The following AP3B1 variants were observed in gnomAD, a reference collection of about 807,000 sequenced individuals.
The protein encoded by AP3B1 is adaptor related protein complex 3 subunit beta 1.
In AP3B1, 61 loss-of-function variants were observed where a neutral mutation model predicts 132.5. That is an observed-to-expected ratio of 0.46 (90% confidence interval 0.37 to 0.57). AP3B1 has a LOEUF of 0.57. Ranked by LOEUF, AP3B1 falls within the 20% of genes least tolerant of loss-of-function variation. The pLI is 0.00. For missense variants in AP3B1, 1,120 were observed against 1,289.4 expected (o/e 0.87, Z 2.01); for synonymous variants, 388 against 438.3 (o/e 0.89, Z 1.43).
intron 21 of AP3B1, among the ~76,000 whole-genome samples, chr5:78,097,509 G>T (rs1344671319): frequency 8.0e-5 from 6 of 75,162 alleles, no homozygotes; most frequent in South Asian, 3.7e-4. Context: ...GGAGGGAGGT[G>T]GGGGGGTCAG....
chr5:78,228,076 CTTT>C lies in AP3B1; in HGVS notation c.375+65_375+67del, dbSNP rs1746473210. 3.6e-5 allele frequency: 40 copies of C among 1,122,970 alleles called. No homozygotes were observed. The East Asian group carries it at 8.5e-4, about 24-fold the overall frequency. 69.6% of individuals were successfully genotyped at this position (1,122,970 alleles called of 1,614,324 possible). A position where few individuals can be genotyped will look rare whatever the true frequency, so the allele number is the denominator to read the frequency against. ...TATTTAGTGGATTATCGCTCCACTT[CTTT>C]AACTGACACACTTTCAACTCTGCAG... On this transcript the variant is annotated intron_variant, in intron 4 of 26. Coordinates refer to ENST00000255194, the MANE Select transcript of AP3B1 (RefSeq NM_003664.5).
At position 78,175,506 on chromosome 5, in the gene AP3B1, C is replaced by T. The variant is rs143789444; in HGVS notation, c.1167+120G>A. On this transcript the variant is annotated intron_variant, in intron 11 of 26. Coordinates refer to ENST00000255194, the MANE Select transcript of AP3B1 (RefSeq NM_003664.5). The stretch of plus-strand genomic sequence containing the variant: ...TAGATTGAAAAGTATAAAGAAAAAC[C>T]ATTAACTTTATCAATGTGTTTTGAA... 656 of 728,844 alleles carry T rather than the reference C, an allele frequency of 9.0e-4. 4 individuals carry two copies. In the African/African-American group the frequency reaches 0.011, roughly 12 times the overall value. 45.1% of individuals were successfully genotyped at this position (728,844 alleles called of 1,614,324 possible).
chr5:78,012,947 T>A (rs774230351), intron 26 of AP3B1, among the ~76,000 whole-genome samples: 3 of 152,214 alleles, frequency 2.0e-5, no homozygotes, highest in Admixed American at 6.5e-5. Flanking sequence ...CTATCTTTAA[T>A]AAGAATTATA....
intron 23 of AP3B1, among the ~76,000 whole-genome samples, chr5:78,034,907 A>G (rs1397571586): frequency 6.6e-6 from 1 of 151,970 alleles, no homozygotes; most frequent in Non-Finnish European, 1.5e-5. Flanking sequence ...AAAAAATCCT[A>G]AATTAAAAAA....
At position 78,294,572 on chromosome 5, in the gene AP3B1, C is replaced by T. The variant is rs1437057161; in HGVS notation, c.8G>A (p.Ser3Asn). The change falls in exon 1 of 27, where the codon AGC becomes AAC. Residue 3 changes from serine (S) to asparagine (N), a missense_variant. Transcript: ENST00000255194. ...CTGCTCATTGTAAGGAAAACTATTG[C>T]TGGACATTGCCGCGGTGCTGGCGGG... MS[S>N]NSFPYNEQSG... The T allele has an allele frequency of 6.2e-7, 1 of 1,614,142 alleles. No individual in the cohort carries two copies. The highest frequency in any genetic ancestry group is 1.7e-5 in the Admixed American group (1 of 60,038).
chr5:78,154,684 C>G lies in AP3B1; in HGVS notation c.1473+1574G>C, dbSNP rs566115951. Among the ~76,000 whole-genome samples, 8 of 152,186 alleles carry G rather than the reference C, an allele frequency of 5.3e-5. No homozygotes were observed. The South Asian group carries it at 1.7e-3, about 32-fold the overall frequency. On this transcript the variant is annotated intron_variant, in intron 14 of 26. Transcript: ENST00000255194. ...CCTCTGACTGTGTATTTTCAAAGAG[C>G]CTGTCTTCAAGCTCACTAATTCTTC... is the stretch of plus-strand genomic sequence containing the variant.
intron 1 of AP3B1, among the ~76,000 whole-genome samples, chr5:78,284,952 A>C (rs555738231): frequency 1.3e-5 from 2 of 152,290 alleles, no homozygotes; most frequent in South Asian, 4.1e-4. Context: ...TCTATACTTA[A>C]AAATATACTA....
chr5:78,048,956 G>A (rs1748460248), intron 22 of AP3B1, among the ~76,000 whole-genome samples: 1 of 152,156 alleles, frequency 6.6e-6, no homozygotes, highest in African/African-American at 2.4e-5. Flanking sequence ...TAGATATGGA[G>A]CCAGGAGATC....
chr5:78,023,106 T>C (rs996564041), intron 24 of AP3B1, among the ~76,000 whole-genome samples: 3 of 152,192 alleles, frequency 2.0e-5, no homozygotes, highest in African/African-American at 7.2e-5. Flanking sequence ...CACCTGGTGA[T>C]GAATGGAGGG....
intron 17 of AP3B1, among the ~76,000 whole-genome samples, chr5:78,127,303 TTTG>T (rs1483665990): frequency 6.6e-6 from 1 of 152,174 alleles, no homozygotes; most frequent in Non-Finnish European, 1.5e-5. Context: ...AACTGCTTTT[TTTG>T]TTAACTCCAC....
chr5:78,205,340 C>G (rs143299057), intron 7 of AP3B1, among the ~76,000 whole-genome samples: 3 of 151,718 alleles, frequency 2.0e-5, no homozygotes, highest in East Asian at 3.9e-4. Context: ...AAATCTTTTG[C>G]CTTTTACTAA....
chr5:78,006,864 C>T (rs906690772), intron 26 of AP3B1, among the ~76,000 whole-genome samples: 9 of 152,106 alleles, frequency 5.9e-5, no homozygotes, highest in Non-Finnish European at 1.2e-4. Context: ...TTATCTCCAG[C>T]AATTGACATT....
At chr5:78,273,013 A>C (rs1748612661) in intron 1 of AP3B1, among the ~76,000 whole-genome samples, 1 of 136,060 alleles carries the variant, frequency 7.3e-6, no homozygotes, top group Admixed American at 7.2e-5. Flanking sequence ...GCTGAAATAC[A>C]TACATATACA....
At chr5:78,221,272 G>C (rs1191960802) in intron 6 of AP3B1, among the ~76,000 whole-genome samples, 1 of 151,976 alleles carries the variant, frequency 6.6e-6, no homozygotes, top group Non-Finnish European at 1.5e-5. Flanking sequence ...AAAGAAATAA[G>C]AAGATGCAAG....
rs542599305 is a variant in AP3B1, at chr5:78,149,420, C to T, written c.1473+6838G>A. Among the ~76,000 whole-genome samples the T allele has an allele frequency of 2.0e-5, 3 of 152,174 alleles. No individual in the cohort carries two copies. In the South Asian group the frequency reaches 6.2e-4, roughly 32 times the overall value. On this transcript the variant is annotated intron_variant, in intron 14 of 26. Transcript: ENST00000255194. ...ATTAATAATTTATATTTTTAAGGTA[C>T]TTAGAATAGTGCCTGGCAAATGATA...
intron 22 of AP3B1, among the ~76,000 whole-genome samples, chr5:78,066,235 C>CA (rs1181078244): frequency 6.6e-6 from 1 of 152,178 alleles, no homozygotes; most frequent in Non-Finnish European, 1.5e-5. Context: ...GCTGGAAACT[C>CA]AAAAAGCCAG....
intron 23 of AP3B1, among the ~76,000 whole-genome samples, chr5:78,037,928 C>T (rs1326573285): frequency 6.6e-6 from 1 of 152,154 alleles, no homozygotes; most frequent in East Asian, 1.9e-4. Context: ...TACACTATTT[C>T]AAATTTCAAA....
At chr5:78,065,771 G>A (rs1351224990) in intron 22 of AP3B1, among the ~76,000 whole-genome samples, 2 of 152,162 alleles carry the variant, frequency 1.3e-5, no homozygotes, top group Non-Finnish European at 2.9e-5. Flanking sequence ...CTGGATGAGT[G>A]GGATTCCCGC....
chr5:78,174,896 G>A (rs918729840), intron 11 of AP3B1, among the ~76,000 whole-genome samples: 1 of 152,198 alleles, frequency 6.6e-6, no homozygotes, highest in Non-Finnish European at 1.5e-5. Flanking sequence ...CTTCCCAGCC[G>A]CTTTGTTTAC....
Sources: allele counts gnomAD v4.1 joint callset (sites outside exome capture counted in the v4.1 genomes callset), GRCh38; gene constraint gnomAD v4.1.1; transcripts MANE v1.5; gene names NCBI Gene and HGNC (gene_info 2026-07-23, HGNC 2026-07-21).